The following BRCA2 variants were observed in gnomAD, a reference collection of about 807,000 sequenced individuals.
BRCA2 encodes breast cancer type 2 susceptibility protein.
Under a neutral mutation model 276.7 loss-of-function variants are expected in BRCA2, and 203 were observed. That is an observed-to-expected ratio of 0.73 (90% confidence interval 0.65 to 0.82). The LOEUF (loss-of-function observed/expected upper bound fraction) is 0.82. Among genes scored for constraint, BRCA2 ranks in the 40% least tolerant of loss-of-function variants. The pLI is 0.00. For missense variants in BRCA2, 3,920 were observed against 3,915.0 expected (o/e 1.00, Z -0.03); for synonymous variants, 1,289 against 1,338.4 (o/e 0.96, Z 0.81).
At chr13:32,348,523 A>G (rs968028481) in intron 13 of BRCA2, among the ~76,000 whole-genome samples, 2 of 152,196 alleles carry the variant, frequency 1.3e-5, no homozygotes. Context: ...AATCTAGAAG[A>G]CTGTAGATCT....
chr13:32,341,303 C>A, intron 11 of BRCA2, 107 bp downstream of exon 11: 1 of 1,529,966 alleles, frequency 6.5e-7, no homozygotes, highest in Non-Finnish European at 9.0e-7. Context: ...TATGTCTTTT[C>A]AGCCATTTTT....
intron 24 of BRCA2, among the ~76,000 whole-genome samples, chr13:32,394,020 T>C (rs2073016007): frequency 1.3e-5 from 2 of 152,216 alleles, no homozygotes; most frequent in African/African-American, 4.8e-5. Context: ...TTTTCTTATA[T>C]TCCCTTCTTC....
intron 24 of BRCA2, chr13:32,384,837 T>A (rs1028362189): frequency 7.1e-6 from 2 of 280,490 alleles, no homozygotes; most frequent in African/African-American, 4.5e-5. Context: ...CACAACCTAC[T>A]AGCCTATGTG....
chr13:32,394,828 A>T lies in BRCA2; in HGVS notation c.9396A>T (p.Lys3132Asn), dbSNP rs201172050. 2 of 1,614,148 alleles carry T rather than the reference A, an allele frequency of 1.2e-6. No homozygotes were observed. The highest frequency in any genetic ancestry group is 1.7e-6 in the Non-Finnish European group (2 of 1,179,990). The part of the protein sequence containing the change: ...ASNLQWRPES[K>N]SGLLTLFAGD... ...ACCTCCAGTGGCGACCAGAATCCAA[A>T]TCAGGCCTTCTTACTTTATTTGCTG... Residue 3132 changes from lysine (K) to asparagine (N), a missense_variant, in exon 25 of 27, where the codon AAA becomes AAT. Transcript: ENST00000380152.
rs587782661 is a variant in BRCA2 at position 32,338,686 on chromosome 13, A to C, written c.4331A>C (p.Asn1444Thr). 6.3e-7 allele frequency: 1 copy of C among 1,593,418 alleles called. No individual in the cohort carries two copies. Among genetic ancestry groups the C allele is most frequent in the Non-Finnish European group, 8.6e-7 (1 of 1,167,584 alleles). Residue 1444 changes from asparagine to threonine, a missense_variant, in exon 11 of 27, where the codon AAT becomes ACT. By Grantham distance (65) the Asn-to-Thr change is moderately conservative. This residue lies in a region of BRCA2 where 3,263 missense variants were observed against 3,156.9 expected (regional missense o/e 1.03). Transcript: ENST00000380152. ...KNISVAKESF[N>T]KIVNFFDQKP... Reference sequence around the variant, plus strand: ...ATTAGTGTCGCCAAAGAGTCATTTAATAAAATTGTAAATTTCTTTGATCAG... The same window carrying C: ...ATTAGTGTCGCCAAAGAGTCATTTACTAAAATTGTAAATTTCTTTGATCAG...
At chr13:32,369,772 C>T (rs376782161) in intron 18 of BRCA2, among the ~76,000 whole-genome samples, 3 of 152,286 alleles carry the variant, frequency 2.0e-5, no homozygotes, top group African/African-American at 7.2e-5. Flanking sequence ...CGGGGTTTCA[C>T]CATGTTGGCC....
At chr13:32,394,220 A>G (rs992746162) in intron 24 of BRCA2, among the ~76,000 whole-genome samples, 1 of 152,146 alleles carries the variant, frequency 6.6e-6, no homozygotes, top group Admixed American at 6.5e-5. Flanking sequence ...GTTGCTTCCA[A>G]TATTTTATAA....
intron 1 of BRCA2, among the ~76,000 whole-genome samples, chr13:32,316,106 C>A (rs565677349): frequency 6.6e-6 from 1 of 152,288 alleles, no homozygotes; most frequent in South Asian, 2.1e-4. Flanking sequence ...AATTACCAGG[C>A]GGCGTTGGTC....
rs1593936493 is a variant in BRCA2 at position 32,379,316 on chromosome 13, G to GGGTTATTTCAGTGAAGAGC, written c.8755_8773dup (p.Gln2925ArgfsTer5). Reference sequence around the variant, plus strand: ...TATTCCAATATCTTAAATGGTCACAGGGTTATTTCAGTGAAGAGCAGTTAA... The same window carrying GGGTTATTTCAGTGAAGAGC: ...TATTCCAATATCTTAAATGGTCACAGGGTTATTTCAGTGAAGAGCGGTTATTTCAGTGAAGAGCAGTTAA... On this transcript the variant is annotated frameshift_variant and splice_region_variant. Transcript: ENST00000380152. LOFTEE classifies it high-confidence loss of function. 1 of 1,613,474 alleles carries GGGTTATTTCAGTGAAGAGC rather than the reference G, an allele frequency of 6.2e-7. No homozygotes were observed. The highest frequency in any genetic ancestry group is 8.5e-7 in the Non-Finnish European group (1 of 1,179,708).
At position 32,338,671 on chromosome 13, in the gene BRCA2, C is replaced by A. The variant is rs80358667; in HGVS notation, c.4316C>A (p.Ala1439Asp). ...QTASGKNISV[A>D]KESFNKIVNF... ...GCAAGTGGGAAAAATATTAGTGTCG[C>A]CAAAGAGTCATTTAATAAAATTGTA... The change falls in exon 11 of 27, where the codon GCC becomes GAC. Residue 1439 changes from alanine to aspartate, a missense_variant. By Grantham distance (126) the Ala-to-Asp change is moderately radical. Transcript: ENST00000380152. The A allele has an allele frequency of 5.0e-6, 8 of 1,595,538 alleles. No individual in the cohort carries two copies. In the Admixed American group the frequency reaches 1.4e-4, roughly 27 times the overall value.
intron 17 of BRCA2, 119 bp from the exon 18 acceptor site, chr13:32,363,060 A>T (rs149824993): frequency 1.1e-6 from 1 of 889,490 alleles, no homozygotes; most frequent in African/African-American, 1.7e-5. Flanking sequence ...CAAAATTTTT[A>T]ATTCTCAGTA....
chr13:32,336,312 G>C lies in BRCA2; in HGVS notation c.1957G>C (p.Glu653Gln), dbSNP rs2137482147. The C allele has an allele frequency of 6.2e-7, 1 of 1,602,576 alleles. No homozygotes were observed. Among genetic ancestry groups the C allele is most frequent in the Non-Finnish European group, 8.5e-7 (1 of 1,175,388 alleles). The part of the protein sequence containing the change: ...VKRSCSQNDS[E>Q]EPTLSLTSSF... ...AAGAAGCTGTTCACAGAATGATTCT[G>C]AAGAACCAACTTTGTCCTTAACTAG... The change falls in exon 11 of 27, where the codon GAA becomes CAA. Residue 653 changes from glutamate (E) to glutamine (Q), a missense_variant. Coordinates refer to ENST00000380152, the MANE Select transcript of BRCA2 (RefSeq NM_000059.4).
chr13:32,326,190 G>A (rs745653804), intron 5 of BRCA2, 40 bp downstream of exon 5: 2 of 1,607,798 alleles, frequency 1.2e-6, no homozygotes, highest in Non-Finnish European at 1.7e-6. Flanking sequence ...TAGAATACTA[G>A]AAATGTTAAT....
intron 24 of BRCA2, chr13:32,385,695 T>A: frequency 4.8e-6 from 1 of 209,658 alleles, no homozygotes; most frequent in Admixed American, 5.4e-5. Context: ...CATTTGAGGT[T>A]GCCTATATAG....
At chr13:32,319,349 TG>T in intron 3 of BRCA2, 24 bp downstream of exon 3, 1 of 1,592,960 alleles carries the variant, frequency 6.3e-7, no homozygotes, top group Non-Finnish European at 8.6e-7. Flanking sequence ...TATGGTAGAC[TG>T]GGGAGAACTA....
In BRCA2 at chr13:32,319,244, A is replaced by G. The variant is rs80358502; in HGVS notation, c.235A>G (p.Ile79Val). Residue 79 changes from isoleucine (I) to valine (V), a missense_variant, in exon 3 of 27, where the codon ATA becomes GTA. Physicochemically the swap from Ile to Val is conservative, Grantham distance 29 (BLOSUM62 3). Around this residue, in one of 2 missense-constraint regions of BRCA2, gnomAD observed 3,263 missense variants for 3,156.9 expected, o/e 1.03. Transcript: ENST00000380152. ...TTATAATCAGCTGGCTTCAACTCCA[A>G]TAATATTCAAAGAGCAAGGGCTGAC... is the stretch of plus-strand genomic sequence containing the variant. Reference protein sequence around the residue: ...PSYNQLASTPIIFKEQGLTLP... With the variant: ...PSYNQLASTPVIFKEQGLTLP... 1.3e-5 allele frequency: 21 copies of G among 1,613,696 alleles called. No homozygotes were observed. Among genetic ancestry groups the G allele is most frequent in the Non-Finnish European group, 5.1e-6 (6 of 1,179,712 alleles).
rs144784912 is a variant in BRCA2 at position 32,340,372 on chromosome 13, G to C, written c.6017G>C (p.Ser2006Thr). Residue 2006 changes from serine (S) to threonine (T), a missense_variant, in exon 11 of 27, where the codon AGT becomes ACT. By Grantham distance (58) the Ser-to-Thr change is moderately conservative. This residue lies in a region of BRCA2 where 3,263 missense variants were observed against 3,156.9 expected (regional missense o/e 1.03). Coordinates refer to ENST00000380152, the MANE Select transcript of BRCA2 (RefSeq NM_000059.4). ...CAAGTGTTTTCTGAAATAGAAGATA[G>C]TACCAAGCAAGTCTTTTCCAAAGTA... ...ARQVFSEIED[S>T]TKQVFSKVLF... The C allele has an allele frequency of 3.1e-6, 5 of 1,613,858 alleles. No homozygotes were observed. The highest frequency in any genetic ancestry group is 2.2e-5 in the East Asian group (1 of 44,844).
In BRCA2 at chr13:32,337,673, C is replaced by G. The variant is rs1298550035; in HGVS notation, c.3318C>G (p.Ser1106Arg). 6.9e-6 allele frequency: 11 copies of G among 1,598,098 alleles called. No individual in the cohort carries two copies. In the Middle Eastern group the frequency reaches 8.3e-4, roughly 121 times the overall value. Reference sequence around the variant, plus strand: ...ATTCAAACCATAATTTAACACCTAGCCAAAAGGCAGAAATTACAGAACTTT... The same window carrying G: ...ATTCAAACCATAATTTAACACCTAGGCAAAAGGCAGAAATTACAGAACTTT... Reference protein sequence around the residue: ...DFNSNHNLTPSQKAEITELST... With the variant: ...DFNSNHNLTPRQKAEITELST... The change falls in exon 11 of 27, where the codon AGC becomes AGG. Residue 1106 changes from serine (S) to arginine (R), a missense_variant. Ser to Arg is a moderately radical substitution (Grantham distance 110, BLOSUM62 -1). Coordinates refer to ENST00000380152, the MANE Select transcript of BRCA2 (RefSeq NM_000059.4).
chr13:32,341,596 A>T (rs147607489), intron 11 of BRCA2, among the ~76,000 whole-genome samples: 1 of 152,358 alleles, frequency 6.6e-6, no homozygotes, highest in African/African-American at 2.4e-5. Context: ...TCAGACTCTG[A>T]CTTATATGAA....
Sources: allele counts gnomAD v4.1 joint callset (sites outside exome capture counted in the v4.1 genomes callset), GRCh38; gene constraint gnomAD v4.1.1; regional missense constraint gnomAD v4.1.1; transcripts MANE v1.5; gene names NCBI Gene and HGNC (gene_info 2026-07-23, HGNC 2026-07-21).